Variants in PDZRN4 observed in about 807,000 individuals in gnomAD.
The protein encoded by PDZRN4 is PDZ domain-containing RING finger protein 4.
PDZRN4 carries 70 observed loss-of-function variants against 99.0 expected under a neutral mutation model. The observed-to-expected ratio is 0.71, with a 90% CI of 0.58 to 0.86. PDZRN4 has a LOEUF of 0.86. Ranked by LOEUF, PDZRN4 falls within the 40% of genes least tolerant of loss-of-function variation. The pLI is 0.00. For synonymous variants in PDZRN4, 551 were observed against 501.6 expected (o/e 1.10, Z -1.32); for missense variants, 1,474 against 1,331.2 (o/e 1.11, Z -1.67).
At chr12:41,508,662 T>G (rs950766652) in intron 4 of PDZRN4, among the ~76,000 whole-genome samples, 1 of 152,192 alleles carries the variant, frequency 6.6e-6, no homozygotes, top group African/African-American at 2.4e-5. Context: ...AGGAGATTTA[T>G]CTGGTAGACA....
chr12:41,281,317 G>A (rs1168082357), intron 3 of PDZRN4, among the ~76,000 whole-genome samples: 1 of 151,824 alleles, frequency 6.6e-6, no homozygotes, highest in African/African-American at 2.4e-5. Context: ...CTACTCCAAA[G>A]GATCACAACT....
chr12:41,196,239 A>T (rs746284387), intron 3 of PDZRN4, among the ~76,000 whole-genome samples: 6 of 152,114 alleles, frequency 3.9e-5, no homozygotes, highest in Non-Finnish European at 8.8e-5. Context: ...GAGGTCAACC[A>T]CAGAAATTCA....
intron 3 of PDZRN4, among the ~76,000 whole-genome samples, chr12:41,323,689 A>G (rs996756065): frequency 1.3e-5 from 2 of 152,008 alleles, no homozygotes; most frequent in African/African-American, 4.8e-5. Context: ...CTAATACAGT[A>G]ACAAATGCTA....
At chr12:41,547,484 G>T (rs1052421448) in intron 5 of PDZRN4, among the ~76,000 whole-genome samples, 1 of 152,076 alleles carries the variant, frequency 6.6e-6, no homozygotes, top group African/African-American at 2.4e-5. Flanking sequence ...AAATTAGCCA[G>T]GGGTGGTGGC....
intron 3 of PDZRN4, among the ~76,000 whole-genome samples, chr12:41,203,780 A>G (rs946529741): frequency 6.6e-5 from 10 of 152,042 alleles, no homozygotes; most frequent in African/African-American, 2.2e-4. Context: ...TAATCTATGA[A>G]AAGTCCGTTG....
intron 3 of PDZRN4, among the ~76,000 whole-genome samples, chr12:41,222,911 A>G (rs986070335): frequency 2.0e-5 from 3 of 152,212 alleles, no homozygotes; most frequent in African/African-American, 7.2e-5. Context: ...CACAGTATCT[A>G]TGGTGTATAT....
intron 3 of PDZRN4, among the ~76,000 whole-genome samples, chr12:41,325,913 G>A (rs929770505): frequency 1.3e-5 from 2 of 152,042 alleles, no homozygotes; most frequent in Non-Finnish European, 2.9e-5. Context: ...AATTCCATTG[G>A]GGATGTTTTC....
At chr12:41,283,659 C>A (rs1319148057) in intron 3 of PDZRN4, among the ~76,000 whole-genome samples, 1 of 152,170 alleles carries the variant, frequency 6.6e-6, no homozygotes, top group Admixed American at 6.5e-5. Flanking sequence ...AGCTTTTCCA[C>A]CGTGATCAAG....
intron 2 of PDZRN4, among the ~76,000 whole-genome samples, chr12:41,192,080 T>C (rs2163415): frequency 0.65 from 97,926 of 151,584 alleles, 31,693 homozygotes; most frequent in South Asian, 0.7. Context: ...CATGCCTGGC[T>C]CTGATTTTAT....
chr12:41,375,751 G>A (rs956909622), intron 3 of PDZRN4, among the ~76,000 whole-genome samples: 7 of 152,282 alleles, frequency 4.6e-5, no homozygotes, highest in Admixed American at 4.6e-4. Context: ...GTGTTTGTGT[G>A]TGTGTGTGTA....
At chr12:41,386,556 A>G (rs966049348) in intron 3 of PDZRN4, among the ~76,000 whole-genome samples, 1 of 152,218 alleles carries the variant, frequency 6.6e-6, no homozygotes, top group Non-Finnish European at 1.5e-5. Context: ...TCCCAAAGCA[A>G]TTTATAAGTT....
At chr12:41,261,071 A>T (rs1406327182) in intron 3 of PDZRN4, among the ~76,000 whole-genome samples, 1 of 152,174 alleles carries the variant, frequency 6.6e-6, no homozygotes, top group East Asian at 1.9e-4. Flanking sequence ...GTTGCCTCAT[A>T]AATTCCATAG....
chr12:41,449,639 G>A (rs1274919709), intron 3 of PDZRN4, among the ~76,000 whole-genome samples: 1 of 152,126 alleles, frequency 6.6e-6, no homozygotes, highest in Non-Finnish European at 1.5e-5. Context: ...GTCATGAGAT[G>A]TCATAGTGAT....
intron 3 of PDZRN4, among the ~76,000 whole-genome samples, chr12:41,255,237 T>C (rs1431122): frequency 0.77 from 116,902 of 151,754 alleles, 45,165 homozygotes; most frequent in East Asian, 0.86. Flanking sequence ...AAGGCGCAAG[T>C]GATCAACAGG....
At chr12:41,357,736 G>A (rs1951937664) in intron 3 of PDZRN4, among the ~76,000 whole-genome samples, 1 of 151,964 alleles carries the variant, frequency 6.6e-6, no homozygotes, top group African/African-American at 2.4e-5. Flanking sequence ...GCTCATCTCT[G>A]ATGACCATGT....
chr12:41,466,205 G>A (rs1032271788), intron 3 of PDZRN4, among the ~76,000 whole-genome samples: 81 of 152,106 alleles, frequency 5.3e-4, no homozygotes, highest in African/African-American at 1.9e-3. Context: ...ATTAAAGATG[G>A]CTGGATGTGG....
At chr12:41,356,514 T>A (rs7136514) in intron 3 of PDZRN4, among the ~76,000 whole-genome samples, 5,709 of 152,058 alleles carry the variant, frequency 0.038, 365 homozygotes, top group African/African-American at 0.13. Context: ...CTATATTGAC[T>A]AAGAACCTAA....
intron 3 of PDZRN4, among the ~76,000 whole-genome samples, chr12:41,401,241 C>T (rs910325526): frequency 4.6e-5 from 7 of 151,998 alleles, no homozygotes; most frequent in East Asian, 1.9e-4. Context: ...TGCCCATAGC[C>T]GAATGAATAA....
chr12:41,479,204 T>A (rs1426583042), intron 3 of PDZRN4, among the ~76,000 whole-genome samples: 1 of 152,166 alleles, frequency 6.6e-6, no homozygotes, highest in Non-Finnish European at 1.5e-5. Flanking sequence ...GACTTGGATG[T>A]GGGTATCTGT....
Sources: allele counts gnomAD v4.1 joint callset (sites outside exome capture counted in the v4.1 genomes callset), GRCh38; gene constraint gnomAD v4.1.1; transcripts MANE v1.5; gene names NCBI Gene and HGNC (gene_info 2026-07-23, HGNC 2026-07-21).